PDE4D: variants seen among roughly 807,000 people sequenced by gnomAD.
The protein encoded by PDE4D is 3',5'-cyclic-AMP phosphodiesterase 4D.
In PDE4D, 24 loss-of-function variants were observed where a neutral mutation model predicts 87.4. The observed-to-expected ratio is 0.27, with a 90% CI of 0.20 to 0.39. The LOEUF (loss-of-function observed/expected upper bound fraction) is 0.39. Ranked by LOEUF, PDE4D falls within the 10% of genes least tolerant of loss-of-function variation. The pLI, the probability that PDE4D is intolerant of heterozygous loss-of-function variation, is 1.00. For synonymous variants in PDE4D, 384 were observed against 383.2 expected, an observed-to-expected ratio of 1.00 and a Z score of -0.02; for missense variants, 714 against 1,041.0, an observed-to-expected ratio of 0.69 and a Z score of 4.32.
intron 1 of PDE4D, among the ~76,000 whole-genome samples, chr5:59,373,958 T>C (rs947290635): frequency 6.6e-6 from 1 of 152,180 alleles, no homozygotes; most frequent in Non-Finnish European, 1.5e-5. Context: ...AATAATATCC[T>C]GTTCAGACAA....
intron 1 of PDE4D, among the ~76,000 whole-genome samples, chr5:59,434,857 A>G (rs903096677): frequency 3.9e-5 from 6 of 152,176 alleles, no homozygotes; most frequent in Non-Finnish European, 8.8e-5. Flanking sequence ...TTAATAGTCA[A>G]TAGATAATAG....
chr5:59,766,330 T>C (rs1369065596), intron 1 of PDE4D, among the ~76,000 whole-genome samples: 2 of 152,168 alleles, frequency 1.3e-5, no homozygotes, highest in African/African-American at 4.8e-5. Flanking sequence ...ATTGCTCTCT[T>C]TATGCTTTTC....
At chr5:59,248,042 T>C (rs4700327) in intron 1 of PDE4D, among the ~76,000 whole-genome samples, 5,869 of 37,384 alleles carry the variant, frequency 0.16, 530 homozygotes, top group African/African-American at 0.22. Flanking sequence ...TATCTATTAG[T>C]AAAAAAAAAA....
intron 1 of PDE4D, among the ~76,000 whole-genome samples, chr5:59,538,891 C>T (rs1444858118): frequency 6.6e-6 from 1 of 152,182 alleles, no homozygotes; most frequent in Non-Finnish European, 1.5e-5. Context: ...GAACTCTCCA[C>T]TTTCCAACTT....
chr5:60,338,928 T>C (rs1758058154), intron 1 of PDE4D, among the ~76,000 whole-genome samples: 1 of 152,100 alleles, frequency 6.6e-6, no homozygotes, highest in South Asian at 2.1e-4. Flanking sequence ...GGACCCCCAG[T>C]GTAGGCCTGA....
intron 5 of PDE4D, among the ~76,000 whole-genome samples, chr5:59,148,099 T>C (rs913834895): frequency 4.6e-5 from 7 of 152,184 alleles, no homozygotes; most frequent in Admixed American, 3.3e-4. Flanking sequence ...ATAATTGATA[T>C]TCAAGTGACA....
At chr5:59,286,526 A>C (rs988511241) in intron 1 of PDE4D, among the ~76,000 whole-genome samples, 3 of 152,248 alleles carry the variant, frequency 2.0e-5, no homozygotes, top group Non-Finnish European at 4.4e-5. Flanking sequence ...GAATGGTAGA[A>C]TGGGTAAACT....
chr5:59,787,376 G>A (rs558902062), intron 1 of PDE4D, among the ~76,000 whole-genome samples: 32 of 152,168 alleles, frequency 2.1e-4, no homozygotes, highest in African/African-American at 6.3e-4. Context: ...TGAGTTCTTC[G>A]TTTTATCTTA....
intron 1 of PDE4D, among the ~76,000 whole-genome samples, chr5:59,595,329 C>A (rs950935403): frequency 6.6e-6 from 1 of 152,104 alleles, no homozygotes; most frequent in Non-Finnish European, 1.5e-5. Flanking sequence ...AACATTATTT[C>A]ATTTAGGAAA....
At chr5:59,979,442 G>GTGTGTGTGTGTGTGTT (rs1414834643) in intron 3 of PDE4D, among the ~76,000 whole-genome samples, 1 of 151,456 alleles carries the variant, frequency 6.6e-6, no homozygotes, top group Non-Finnish European at 1.5e-5. Context: ...GTGTGTGTGT[G>GTGTGTGTGTGTGTGTT]TTTATGATAA....
At chr5:59,203,109 T>C (rs1747902815) in intron 2 of PDE4D, among the ~76,000 whole-genome samples, 1 of 152,108 alleles carries the variant, frequency 6.6e-6, no homozygotes, top group Non-Finnish European at 1.5e-5. Flanking sequence ...CTTAGGAGGC[T>C]GAGGTAGCAG....
At chr5:59,194,674 T>C (rs1745057608) in intron 2 of PDE4D, among the ~76,000 whole-genome samples, 1 of 152,184 alleles carries the variant, frequency 6.6e-6, no homozygotes, top group South Asian at 2.1e-4. Context: ...TCCAGAATCA[T>C]GTTTTTCAAG....
At chr5:60,053,329 G>C (rs965561261) in intron 2 of PDE4D, among the ~76,000 whole-genome samples, 1 of 152,144 alleles carries the variant, frequency 6.6e-6, no homozygotes, top group Non-Finnish European at 1.5e-5. Flanking sequence ...CATGGTACTG[G>C]TACCAAAACA....
chr5:58,993,552 GC>G, intron 6 of PDE4D, 87 bp from the exon 7 acceptor site: 1 of 792,212 alleles, frequency 1.3e-6, no homozygotes, highest in Admixed American at 3.2e-5. Context: ...AGGAAGATAT[GC>G]CCAAAGAATT....
At chr5:59,705,938 A>C (rs918294428) in intron 1 of PDE4D, among the ~76,000 whole-genome samples, 1 of 152,188 alleles carries the variant, frequency 6.6e-6, no homozygotes, top group African/African-American at 2.4e-5. Flanking sequence ...AGCTGCAGGA[A>C]GTTGGGGAAA....
intron 1 of PDE4D, among the ~76,000 whole-genome samples, chr5:60,425,167 G>T (rs1005714907): frequency 1.3e-5 from 2 of 152,088 alleles, no homozygotes; most frequent in Non-Finnish European, 2.9e-5. Flanking sequence ...TTTCTTCACA[G>T]AAATGGAAAA....
At chr5:59,016,436 C>T (rs370701283) in intron 6 of PDE4D, among the ~76,000 whole-genome samples, 1 of 141,474 alleles carries the variant, frequency 7.1e-6, no homozygotes, top group East Asian at 2.1e-4. Context: ...GAATCTGCTG[C>T]CTCACGGTCA....
At chr5:60,157,710 A>G (rs1036407210) in intron 2 of PDE4D, among the ~76,000 whole-genome samples, 1 of 152,204 alleles carries the variant, frequency 6.6e-6, no homozygotes, top group African/African-American at 2.4e-5. Context: ...CCTAGATTTC[A>G]TGGTCTTTCT....
At position 59,365,942 on chromosome 5, in the gene PDE4D, C is replaced by G. The variant is rs187098205; in HGVS notation, c.456-149974G>C. On this transcript the variant is annotated intron_variant, in intron 1 of 14. Coordinates refer to ENST00000340635, the MANE Select transcript of PDE4D (RefSeq NM_001104631.2). ...CAGTCCTGGAATAGTCCAGAATGAG[C>G]TGAATTAGGGATGTCTAAAATATAA... 2.9e-3 allele frequency among the ~76,000 whole-genome samples: 434 copies of G among 152,202 alleles called. 1 individual carries two copies. The South Asian group carries it at 0.035, about 12-fold the overall frequency.
Sources: gnomAD v4.1 joint callset for allele counts (sites outside exome capture counted in the v4.1 genomes callset) on GRCh38, gnomAD v4.1.1 for gene constraint, MANE v1.5 for transcripts, NCBI Gene and HGNC (gene_info 2026-07-23, HGNC 2026-07-21) for gene names.